UST: variants seen among roughly 807,000 people sequenced by gnomAD.
UST encodes chondroitin sulfate 2-O-sulfotransferase.
UST carries 21 observed loss-of-function variants against 45.6 expected under a neutral mutation model. The observed-to-expected ratio is 0.46, with a 90% CI of 0.33 to 0.66. The LOEUF is 0.66. Ranked by LOEUF, UST falls within the 30% of genes least tolerant of loss-of-function variation. The pLI, the probability that UST is intolerant of heterozygous loss-of-function variation, is 0.02. For missense variants in UST, 463 were observed against 512.4 expected (o/e 0.90, Z 0.93); for synonymous variants, 215 against 200.6 (o/e 1.07, Z -0.61).
intron 1 of UST, among the ~76,000 whole-genome samples, chr6:148,789,426 A>ATCTCTCTCTCTCTCTCTC (rs751939500): frequency 7.0e-5 from 10 of 143,546 alleles, no homozygotes; most frequent in African/African-American, 2.6e-4. Flanking sequence ...TCTTGTGCAG[A>ATCTCTCTCTCTCTCTCTC]TCTCTCTCTC....
intron 1 of UST, among the ~76,000 whole-genome samples, chr6:148,879,390 G>C (rs73778934): frequency 0.13 from 20,259 of 152,234 alleles, 1,515 homozygotes; most frequent in African/African-American, 0.17. Context: ...TTTACTTCTG[G>C]AAAGTGGGAT....
At chr6:148,791,083 C>T (rs1467759737) in intron 1 of UST, among the ~76,000 whole-genome samples, 1 of 152,182 alleles carries the variant, frequency 6.6e-6, no homozygotes, top group African/African-American at 2.4e-5. Flanking sequence ...ACCACTCTGA[C>T]TCCCTCAAGT....
At chr6:148,787,940 G>C (rs1776763511) in intron 1 of UST, among the ~76,000 whole-genome samples, 1 of 151,998 alleles carries the variant, frequency 6.6e-6, no homozygotes, top group Non-Finnish European at 1.5e-5. Flanking sequence ...TTACATTCTT[G>C]AATTTTTAAG....
intron 1 of UST, among the ~76,000 whole-genome samples, chr6:148,820,714 G>A (rs1418181983): frequency 1.3e-5 from 2 of 151,586 alleles, no homozygotes; most frequent in Admixed American, 6.6e-5. Flanking sequence ...TTAGCCAGGT[G>A]TGGTGGTGGC....
At chr6:148,852,924 A>T (rs190658227) in intron 1 of UST, among the ~76,000 whole-genome samples, 9 of 152,262 alleles carry the variant, frequency 5.9e-5, no homozygotes, top group African/African-American at 2.2e-4. Context: ...GACTTTAGTA[A>T]ATACCTGTTG....
At chr6:149,037,057 T>A (rs922831927) in intron 7 of UST, among the ~76,000 whole-genome samples, 2 of 151,988 alleles carry the variant, frequency 1.3e-5, no homozygotes, top group African/African-American at 4.8e-5. Flanking sequence ...GGAAACGTGT[T>A]CCCCAGGTTA....
rs979814668 is a variant in UST, at chr6:148,953,506, G to A, written c.448-366G>A. On this transcript the variant is annotated intron_variant, in intron 3 of 7. Transcript: ENST00000367463. ...AATAAAAAGAGTCGGATATTGGCCA[G>A]GCGCGGAGGCTCACGCTTGTAATCC... Among the ~76,000 whole-genome samples, 7 of 152,210 alleles carry A rather than the reference G, an allele frequency of 4.6e-5. No individual in the cohort carries two copies. In the East Asian group the frequency reaches 1.3e-3, roughly 29 times the overall value.
chr6:148,955,660 G>A (rs1201143947), intron 4 of UST: 2 of 152,358 alleles, frequency 1.3e-5, no homozygotes, highest in South Asian at 2.1e-4. Context: ...AGGCTTATTA[G>A]CTCTTTCAGG....
chr6:148,999,816 G>A (rs1043875266), intron 5 of UST, among the ~76,000 whole-genome samples: 2 of 152,162 alleles, frequency 1.3e-5, no homozygotes, highest in Non-Finnish European at 2.9e-5. Flanking sequence ...AGACCTTCCT[G>A]TAGCAAAGAA....
chr6:148,847,154 T>A (rs921290551), intron 1 of UST, among the ~76,000 whole-genome samples: 4 of 152,276 alleles, frequency 2.6e-5, no homozygotes, highest in African/African-American at 9.6e-5. Context: ...GAGAAGGCAC[T>A]TAGCAGCTTA....
At chr6:149,014,718 AAAGGCATGAGATGAATTACCTAAT>A (rs1468429034) in intron 5 of UST, among the ~76,000 whole-genome samples, 1 of 152,180 alleles carries the variant, frequency 6.6e-6, no homozygotes, top group Non-Finnish European at 1.5e-5. Context: ...GAGGAAGAGC[AAAGGCATGAGATGAATTACCTAAT>A]ACACAGACAG....
At chr6:148,938,954 A>G (rs1780071968) in intron 2 of UST, among the ~76,000 whole-genome samples, 1 of 152,094 alleles carries the variant, frequency 6.6e-6, no homozygotes, top group Non-Finnish European at 1.5e-5. Context: ...TGCACATAGC[A>G]TGATCTTATT....
intron 1 of UST, among the ~76,000 whole-genome samples, chr6:148,806,720 G>A (rs1174848884): frequency 6.6e-6 from 1 of 152,192 alleles, no homozygotes. Context: ...CTGGAGGCTG[G>A]GAAGTCCGAG....
At chr6:148,857,762 C>CAAA (rs35774834) in intron 1 of UST, among the ~76,000 whole-genome samples, 19,241 of 119,956 alleles carry the variant, frequency 0.16, 1,492 homozygotes, top group Middle Eastern at 0.19. Flanking sequence ...GTCTCCATCT[C>CAAA]AAAAAAAAAA....
chr6:148,952,196 A>G (rs975749142), intron 3 of UST, among the ~76,000 whole-genome samples: 2 of 152,244 alleles, frequency 1.3e-5, no homozygotes, highest in African/African-American at 4.8e-5. Flanking sequence ...ACCTATGGTT[A>G]TGTCTCCAAA....
chr6:149,024,415 C>T (rs1457312922), intron 7 of UST, among the ~76,000 whole-genome samples: 1 of 152,172 alleles, frequency 6.6e-6, no homozygotes, highest in Non-Finnish European at 1.5e-5. Flanking sequence ...GCTTCAGTAA[C>T]TTCTACTGTG....
intron 1 of UST, among the ~76,000 whole-genome samples, chr6:148,861,077 GCTC>G (rs1353553627): frequency 3.9e-5 from 6 of 152,168 alleles, no homozygotes; most frequent in Admixed American, 3.9e-4. Flanking sequence ...AATGGTACCA[GCTC>G]CTCTCTATAC....
chr6:148,851,393 CA>C (rs1778102209), intron 1 of UST, among the ~76,000 whole-genome samples: 1 of 151,916 alleles, frequency 6.6e-6, no homozygotes, highest in Admixed American at 6.6e-5. Flanking sequence ...GAAAAAAATG[CA>C]AATCTTGAAC....
intron 2 of UST, among the ~76,000 whole-genome samples, chr6:148,921,536 ACT>A (rs1369293719): frequency 8.5e-5 from 13 of 152,170 alleles, no homozygotes; most frequent in African/African-American, 2.9e-4. Context: ...CTCTCCAGGG[ACT>A]CTCTGTCTGG....
Sources: allele counts gnomAD v4.1 joint callset (sites outside exome capture counted in the v4.1 genomes callset), GRCh38; gene constraint gnomAD v4.1.1; transcripts MANE v1.5; gene names NCBI Gene and HGNC (gene_info 2026-07-23, HGNC 2026-07-21).